Variants in RANBP9 observed in about 807,000 individuals in gnomAD.
The protein encoded by RANBP9 is RAN binding protein 9.
A neutral mutation model predicts 84.3 loss-of-function variants in RANBP9; 15 were observed. That is an observed-to-expected ratio of 0.18 (90% CI 0.12 to 0.27). The LOEUF (loss-of-function observed/expected upper bound fraction) is 0.27. Among genes scored for constraint, RANBP9 ranks in the 10% least tolerant of loss-of-function variants. The probability of loss-of-function intolerance (pLI) is 1.00; values close to 1 mark genes in which losing one functional copy is unlikely to be tolerated. For synonymous variants in RANBP9, 392 were observed against 349.6 expected (o/e 1.12, Z -1.35); for missense variants, 809 against 912.8 (o/e 0.89, Z 1.46).
At chr6:13,659,236 T>A (rs1765481177) in intron 2 of RANBP9, among the ~76,000 whole-genome samples, 1 of 141,020 alleles carries the variant, frequency 7.1e-6, no homozygotes, top group South Asian at 2.3e-4. Flanking sequence ...AGTACAAATT[T>A]AGACCCCACA....
At chr6:13,666,044 T>C (rs946269818) in intron 2 of RANBP9, among the ~76,000 whole-genome samples, 7 of 152,172 alleles carry the variant, frequency 4.6e-5, no homozygotes, top group Admixed American at 4.6e-4. Flanking sequence ...TAGAGGTTTG[T>C]ATTTCATGGG....
At chr6:13,687,611 G>A (rs535382244) in intron 2 of RANBP9, among the ~76,000 whole-genome samples, 2 of 152,032 alleles carry the variant, frequency 1.3e-5, no homozygotes, top group South Asian at 4.1e-4. Flanking sequence ...CTACCTTTAC[G>A]TGCTTACTAC....
rs552134751 is a variant in RANBP9 at position 13,711,744 on chromosome 6, G to A, written c.-239C>T. ...TGGCCGGAGCGCGGGCGCGCGGCCC[G>A]GGGACGAGGCGCCGAGGGCGGGGGC... On this transcript the variant is annotated 5_prime_UTR_variant, in exon 1 of 14. Transcript: ENST00000011619. Among the ~76,000 whole-genome samples the A allele has an allele frequency of 6.8e-5, 10 of 147,520 alleles. No individual in the cohort carries two copies. The highest frequency in any genetic ancestry group is 1.5e-4 in the Non-Finnish European group (10 of 66,354).
At chr6:13,679,728 T>C (rs1358839028) in intron 2 of RANBP9, among the ~76,000 whole-genome samples, 1 of 152,154 alleles carries the variant, frequency 6.6e-6, no homozygotes, top group East Asian at 1.9e-4. Context: ...AAGAAACTGA[T>C]TTACATTTCA....
Position 13,688,809 on chromosome 6 carries a change from C to T in RANBP9, c.683+7976G>A, listed in dbSNP as rs1312240578. Among the ~76,000 whole-genome samples, 3 of 151,838 alleles carry T rather than the reference C, an allele frequency of 2.0e-5. No individual in the cohort carries two copies. In the East Asian group the frequency reaches 5.8e-4, roughly 29 times the overall value. On this transcript the variant is annotated intron_variant, in intron 2 of 13. Coordinates refer to ENST00000011619, the MANE Select transcript of RANBP9 (RefSeq NM_005493.3). The stretch of plus-strand genomic sequence containing the variant: ...CATCACACACTTCATCCTCTCCCCA[C>T]TTTGTATTATCTTTCTAAAGCAGGT...
chr6:13,685,634 T>C (rs1766154590), intron 2 of RANBP9, among the ~76,000 whole-genome samples: 1 of 151,656 alleles, frequency 6.6e-6, no homozygotes, highest in African/African-American at 2.4e-5. Flanking sequence ...AAAACCTGTA[T>C]AAAGAGGATA....
At chr6:13,637,165 A>T (rs2127763643) in intron 10 of RANBP9, among the ~76,000 whole-genome samples, 1 of 152,346 alleles carries the variant, frequency 6.6e-6, no homozygotes, top group Middle Eastern at 3.4e-3. Flanking sequence ...GGGTCATAGT[A>T]CACTGACTGA....
At chr6:13,632,926 G>A (rs1057338669) in intron 11 of RANBP9, among the ~76,000 whole-genome samples, 8 of 150,422 alleles carry the variant, frequency 5.3e-5, no homozygotes, top group African/African-American at 1.9e-4. Flanking sequence ...AAATGCTCCT[G>A]AAAGCTAAGA....
intron 10 of RANBP9, among the ~76,000 whole-genome samples, chr6:13,636,888 CA>C (rs1764952196): frequency 6.6e-6 from 1 of 152,070 alleles, no homozygotes; most frequent in Non-Finnish European, 1.5e-5. Flanking sequence ...ATCCTTTCTG[CA>C]AAATCATATT....
rs1408589564 is a variant in RANBP9 at position 13,632,505 on chromosome 6, C to A, written c.1812G>T (p.Gln604His). 1 of 1,613,322 alleles carries A rather than the reference C, an allele frequency of 6.2e-7. No individual in the cohort carries two copies. Among genetic ancestry groups the A allele is most frequent in the Non-Finnish European group, 8.5e-7 (1 of 1,179,504 alleles). Reference sequence around the variant, plus strand: ...TTCCTCCACACAACTGGCGTCTCAACTGACTTGAATCAACTTCTGTAAGAA... The same window carrying A: ...TTCCTCCACACAACTGGCGTCTCAAATGACTTGAATCAACTTCTGTAAGAA... ...CDTEMEVDSS[Q>H]LRRQLCGGSQ... Residue 604 changes from glutamine to histidine, a missense_variant, in exon 12 of 14, where the codon CAG (glutamine) becomes CAT (histidine). Physicochemically the swap from Gln to His is conservative, Grantham distance 24. Around this residue, in one of 5 missense-constraint regions of RANBP9, gnomAD observed 233 missense variants for 234.4 expected, o/e 0.99. Transcript: ENST00000011619.
intron 1 of RANBP9, among the ~76,000 whole-genome samples, chr6:13,697,112 A>C (rs1361663999): frequency 6.6e-6 from 1 of 152,250 alleles, no homozygotes; most frequent in Admixed American, 6.5e-5. Context: ...TACTAGTTTT[A>C]TTAAGATTGC....
intron 1 of RANBP9, among the ~76,000 whole-genome samples, chr6:13,699,774 A>T (rs903024875): frequency 1.3e-5 from 2 of 152,172 alleles, no homozygotes; most frequent in Non-Finnish European, 2.9e-5. Flanking sequence ...AGGCACAAGA[A>T]TCGCTTGAAC....
At chr6:13,677,693 C>A (rs1765927591) in intron 2 of RANBP9, among the ~76,000 whole-genome samples, 2 of 152,158 alleles carry the variant, frequency 1.3e-5, no homozygotes, top group African/African-American at 2.4e-5. Flanking sequence ...AACATATACC[C>A]ATTTTTTTCT....
intron 2 of RANBP9, among the ~76,000 whole-genome samples, chr6:13,685,658 G>A (rs570838084): frequency 5.9e-5 from 9 of 152,190 alleles, no homozygotes; most frequent in East Asian, 3.9e-4. Context: ...GGCCGGGCGC[G>A]GTGGCTCACA....
chr6:13,658,659 A>G, intron 3 of RANBP9, 121 bp downstream of exon 3: 2 of 884,908 alleles, frequency 2.3e-6, no homozygotes, highest in Non-Finnish European at 1.8e-6. Context: ...CTTAAAATTC[A>G]TAATGATGAT....
intron 2 of RANBP9, among the ~76,000 whole-genome samples, chr6:13,678,120 AAAAC>A (rs1765939176): frequency 6.6e-6 from 1 of 152,182 alleles, no homozygotes; most frequent in African/African-American, 2.4e-5. Flanking sequence ...CTTATCTCAA[AAAAC>A]AAACAAAAAA....
chr6:13,626,442 T>G (rs1443070481), intron 12 of RANBP9, among the ~76,000 whole-genome samples: 1 of 152,252 alleles, frequency 6.6e-6, no homozygotes, highest in African/African-American at 2.4e-5. Flanking sequence ...TGTGTAGCCT[T>G]TGGCAATTGA....
chr6:13,706,792 A>G (rs142733217), intron 1 of RANBP9, among the ~76,000 whole-genome samples: 69 of 152,128 alleles, frequency 4.5e-4, no homozygotes, highest in African/African-American at 1.6e-3. Context: ...ATCTGAGGTC[A>G]GGAGTTCAAG....
intron 1 of RANBP9, among the ~76,000 whole-genome samples, chr6:13,704,875 T>G (rs1255192537): frequency 6.6e-6 from 1 of 152,152 alleles, no homozygotes; most frequent in Non-Finnish European, 1.5e-5. Flanking sequence ...ACTTCCTTCA[T>G]TCTTTCCAAT....
Sources: allele counts gnomAD v4.1 joint callset (sites outside exome capture counted in the v4.1 genomes callset), GRCh38; gene constraint gnomAD v4.1.1; regional missense constraint gnomAD v4.1.1; transcripts MANE v1.5; gene names NCBI Gene and HGNC (gene_info 2026-07-23, HGNC 2026-07-21).